Variants in UVRAG observed in about 807,000 individuals in gnomAD.
The protein encoded by UVRAG is UV radiation resistance associated.
Under a neutral mutation model 78.0 loss-of-function variants are expected in UVRAG, and 19 were observed. The ratio of observed to expected loss-of-function variants is 0.24; its 90% CI spans 0.17 to 0.36. The LOEUF (loss-of-function observed/expected upper bound fraction) is 0.36. UVRAG is among the 10% of genes least tolerant of loss of function. The pLI, the probability that UVRAG is intolerant of heterozygous loss-of-function variation, is 1.00. For synonymous variants in UVRAG, 323 were observed against 324.6 expected (o/e 1.00, Z 0.05); for missense variants, 740 against 853.8 (o/e 0.87, Z 1.66).
At chr11:76,036,385 T>A (rs1950534526) in intron 12 of UVRAG, among the ~76,000 whole-genome samples, 2 of 151,692 alleles carry the variant, frequency 1.3e-5, no homozygotes, top group Admixed American at 6.6e-5. Context: ...ACCCCATCCC[T>A]AAAAAAATAG....
intron 13 of UVRAG, among the ~76,000 whole-genome samples, chr11:76,099,208 C>T (rs910563879): frequency 6.6e-6 from 1 of 152,184 alleles, no homozygotes; most frequent in Non-Finnish European, 1.5e-5. Context: ...ACACACTTGG[C>T]ATGATATTAG....
intron 5 of UVRAG, among the ~76,000 whole-genome samples, chr11:75,911,034 G>T (rs957200192): frequency 6.6e-6 from 1 of 152,128 alleles, no homozygotes; most frequent in African/African-American, 2.4e-5. Flanking sequence ...CATTGTTTCC[G>T]TGGGAAACTG....
chr11:75,865,618 CT>C (rs1255366200), intron 3 of UVRAG, among the ~76,000 whole-genome samples: 218 of 144,006 alleles, frequency 1.5e-3, no homozygotes, highest in Non-Finnish European at 1.8e-3. Context: ...GAAAAGCTTT[CT>C]TTTTTTTTTT....
At chr11:75,919,225 AT>A (rs34503407) in intron 6 of UVRAG, among the ~76,000 whole-genome samples, 28 of 148,492 alleles carry the variant, frequency 1.9e-4, no homozygotes, top group South Asian at 4.3e-4. Flanking sequence ...GCAGGAAGAG[AT>A]TTTTTTTTTT....
chr11:75,957,001 G>A (rs1308734034), intron 6 of UVRAG, among the ~76,000 whole-genome samples: 3 of 151,302 alleles, frequency 2.0e-5, no homozygotes, highest in Non-Finnish European at 4.4e-5. Flanking sequence ...CCAGTCTATG[G>A]ACTGTTTTTT....
chr11:75,957,016 TAA>T (rs932912115), intron 6 of UVRAG, among the ~76,000 whole-genome samples: 31 of 152,206 alleles, frequency 2.0e-4, no homozygotes, highest in Admixed American at 7.8e-4. Flanking sequence ...TTTTTTTTTT[TAA>T]ATTTTCCTAA....
At chr11:76,015,158 GGTGGTA>G (rs1950123504) in intron 11 of UVRAG, among the ~76,000 whole-genome samples, 1 of 152,080 alleles carries the variant, frequency 6.6e-6, no homozygotes, top group South Asian at 2.1e-4. Context: ...AAGAAACTAA[GGTGGTA>G]CACGTGTGTC....
intron 1 of UVRAG, among the ~76,000 whole-genome samples, chr11:75,824,875 G>C (rs933583350): frequency 6.6e-6 from 1 of 151,764 alleles, no homozygotes; most frequent in Non-Finnish European, 1.5e-5. Context: ...GGGTTTCACC[G>C]TGTTAGCCAG....
chr11:76,099,097 A>G (rs752734423), intron 13 of UVRAG, among the ~76,000 whole-genome samples: 1 of 152,192 alleles, frequency 6.6e-6, no homozygotes, highest in Non-Finnish European at 1.5e-5. Flanking sequence ...TAACACCTCA[A>G]GAAAGCTTTT....
chr11:76,022,694 G>A (rs1950267391), intron 12 of UVRAG, among the ~76,000 whole-genome samples: 1 of 152,054 alleles, frequency 6.6e-6, no homozygotes, highest in Non-Finnish European at 1.5e-5. Flanking sequence ...CATATAGTTG[G>A]AGCATGCCTT....
chr11:75,829,065 T>C (rs959349639), intron 1 of UVRAG, among the ~76,000 whole-genome samples: 1 of 151,810 alleles, frequency 6.6e-6, no homozygotes, highest in Non-Finnish European at 1.5e-5. Flanking sequence ...CAGAATTTCT[T>C]TTTGGTTTCT....
At chr11:76,077,957 T>C (rs1487599641) in intron 13 of UVRAG, among the ~76,000 whole-genome samples, 1 of 152,234 alleles carries the variant, frequency 6.6e-6, no homozygotes, top group African/African-American at 2.4e-5. Context: ...AAGATTAGCC[T>C]TTTCCAAAGC....
In UVRAG at chr11:76,033,900, CA is replaced by C. The variant is rs764615176; in HGVS notation, c.1226+16921del. Among the ~76,000 whole-genome samples the C allele has an allele frequency of 1.8e-4, 28 of 152,210 alleles. 1 individual carries two copies. The highest frequency in any genetic ancestry group is 1.7e-3 in the South Asian group (8 of 4,818). ...TCTCATCCTTTGCTTGTGAGAGTTTCAGTTCATTTGTTTCAGAAAGCAGTTT... is the reference window on the plus strand; with the variant it reads ...TCTCATCCTTTGCTTGTGAGAGTTTCGTTCATTTGTTTCAGAAAGCAGTTT... On this transcript the variant is annotated intron_variant, in intron 12 of 14. Coordinates refer to ENST00000356136, the MANE Select transcript of UVRAG (RefSeq NM_003369.4).
intron 8 of UVRAG, among the ~76,000 whole-genome samples, chr11:75,984,736 A>C (rs1051409053): frequency 6.6e-6 from 1 of 152,248 alleles, no homozygotes. Context: ...TTATAGAAAT[A>C]GAATCATATA....
At chr11:76,106,773 C>T (rs868497167) in intron 13 of UVRAG, among the ~76,000 whole-genome samples, 1 of 152,044 alleles carries the variant, frequency 6.6e-6, no homozygotes, top group Non-Finnish European at 1.5e-5. Flanking sequence ...TGGGGTAAAT[C>T]GAGGTACACA....
At chr11:75,887,698 T>C (rs1233917922) in intron 4 of UVRAG, among the ~76,000 whole-genome samples, 3 of 152,104 alleles carry the variant, frequency 2.0e-5, no homozygotes, top group Admixed American at 1.3e-4. Context: ...CCACCCGCCT[T>C]GGCCTCCCAA....
At chr11:75,900,161 G>C (rs1174005033) in intron 5 of UVRAG, among the ~76,000 whole-genome samples, 1 of 152,160 alleles carries the variant, frequency 6.6e-6, no homozygotes, top group East Asian at 1.9e-4. Context: ...TTATATAGAT[G>C]TTTTAGATTC....
intron 4 of UVRAG, among the ~76,000 whole-genome samples, chr11:75,884,620 AGATG>A (rs1947037266): frequency 6.6e-6 from 1 of 152,114 alleles, no homozygotes; most frequent in African/African-American, 2.4e-5. Context: ...ATTGTTTTGC[AGATG>A]GATGAACAAT....
intron 13 of UVRAG, among the ~76,000 whole-genome samples, chr11:76,070,538 G>A (rs1376056345): frequency 6.6e-6 from 1 of 152,122 alleles, no homozygotes; most frequent in Non-Finnish European, 1.5e-5. Flanking sequence ...AAAACATCAT[G>A]TATACCTTCA....
Sources: allele counts gnomAD v4.1 joint callset (sites outside exome capture counted in the v4.1 genomes callset), GRCh38; gene constraint gnomAD v4.1.1; transcripts MANE v1.5; gene names NCBI Gene and HGNC (gene_info 2026-07-23, HGNC 2026-07-21).